The following CNTLN variants were observed in gnomAD, a reference collection of about 807,000 sequenced individuals.
The protein encoded by CNTLN is centlein, centrosomal protein.
A neutral mutation model predicts 180.0 loss-of-function variants in CNTLN; 212 were observed. The observed-to-expected ratio is 1.18, with a 90% CI of 1.05 to 1.32. The LOEUF (loss-of-function observed/expected upper bound fraction) is 1.32. Among genes scored for constraint, CNTLN ranks in the 40% most tolerant of loss-of-function variants. CNTLN has a pLI of 0.00. For missense variants in CNTLN, 2,095 were observed against 1,610.9 expected (o/e 1.30, Z -5.14); for synonymous variants, 722 against 563.1 (o/e 1.28, Z -3.99).
chr9:17,498,662 A>C (rs1833584040), intron 25 of CNTLN, among the ~76,000 whole-genome samples: 1 of 152,170 alleles, frequency 6.6e-6, no homozygotes, highest in Non-Finnish European at 1.5e-5. Flanking sequence ...GAGTTCAAGC[A>C]TGTCTAACTC....
At chr9:17,386,169 T>TA (rs904729855) in intron 13 of CNTLN, among the ~76,000 whole-genome samples, 26 of 151,052 alleles carry the variant, frequency 1.7e-4, no homozygotes, top group African/African-American at 4.9e-4. Flanking sequence ...TTAAATTAAT[T>TA]AAAAAAAAGA....
intron 7 of CNTLN, among the ~76,000 whole-genome samples, chr9:17,306,081 A>G (rs1818683604): frequency 1.3e-5 from 2 of 152,068 alleles, no homozygotes; most frequent in South Asian, 4.2e-4. Flanking sequence ...TAGGAATGCA[A>G]CTGCTTAAAC....
intron 5 of CNTLN, among the ~76,000 whole-genome samples, chr9:17,248,804 T>C (rs1587329901): frequency 1.3e-5 from 2 of 151,652 alleles, no homozygotes; most frequent in South Asian, 2.1e-4. Flanking sequence ...ATTGAGTCAG[T>C]AACAAAAAGT....
chr9:17,182,129 C>G (rs531338008), intron 2 of CNTLN, among the ~76,000 whole-genome samples: 1 of 151,952 alleles, frequency 6.6e-6, no homozygotes, highest in Non-Finnish European at 1.5e-5. Context: ...AGGCTCCTCT[C>G]GTGGCCTTTG....
At chr9:17,359,744 A>AAAAAAACAAAAAAAG (rs1564027389) in intron 12 of CNTLN, among the ~76,000 whole-genome samples, 3 of 50,198 alleles carry the variant, frequency 6.0e-5, no homozygotes, top group African/African-American at 1.6e-4. Context: ...AAAAAAAAAA[A>AAAAAAACAAAAAAAG]AAAAAACTAG....
At chr9:17,464,035 A>C (rs1207389238) in intron 20 of CNTLN, among the ~76,000 whole-genome samples, 7 of 151,458 alleles carry the variant, frequency 4.6e-5, no homozygotes, top group African/African-American at 7.3e-5. Flanking sequence ...TGTGGATTGA[A>C]TCTCAAATTA....
chr9:17,491,993 A>T (rs1411640144), intron 25 of CNTLN, among the ~76,000 whole-genome samples: 1 of 151,430 alleles, frequency 6.6e-6, no homozygotes, highest in Non-Finnish European at 1.5e-5. Flanking sequence ...CACTTATAAC[A>T]AATGCATTCA....
chr9:17,480,233 A>T (rs1832571567), intron 23 of CNTLN, among the ~76,000 whole-genome samples: 1 of 152,092 alleles, frequency 6.6e-6, no homozygotes, highest in Admixed American at 6.6e-5. Context: ...ATCAACAAAC[A>T]TTACAAGTCA....
At chr9:17,300,207 A>G (rs1468822725) in intron 7 of CNTLN, 2 of 152,144 alleles carry the variant, frequency 1.3e-5, no homozygotes, top group African/African-American at 4.8e-5. Context: ...TGAAATCTGA[A>G]ATGCTCCAAT....
intron 18 of CNTLN, among the ~76,000 whole-genome samples, chr9:17,418,361 C>G (rs192646754): frequency 6.6e-6 from 1 of 151,890 alleles, no homozygotes; most frequent in African/African-American, 2.4e-5. Flanking sequence ...TAAAGTAACT[C>G]CCCAAATATT....
intron 3 of CNTLN, among the ~76,000 whole-genome samples, chr9:17,232,364 T>C (rs1006329803): frequency 1.3e-5 from 2 of 152,010 alleles, no homozygotes; most frequent in East Asian, 3.9e-4. Context: ...AATTTACAGA[T>C]TGAGTCTGTG....
chr9:17,484,516 A>G (rs765488229), intron 24 of CNTLN, 36 bp downstream of exon 24: 3 of 1,486,234 alleles, frequency 2.0e-6, no homozygotes, highest in Admixed American at 4.4e-5. Context: ...TAAAGGGTTT[A>G]TTATACACTG....
chr9:17,361,623 C>T lies in CNTLN; in HGVS notation c.1887-4994C>T, dbSNP rs569671299. On this transcript the variant is annotated intron_variant, in intron 12 of 25. Coordinates refer to ENST00000380647, the MANE Select transcript of CNTLN (RefSeq NM_017738.4). ...CACTGTAGATTCCTCCTCACTTGGT[C>T]ATATGCCTCACAAATTCTGGCTGTT... Among the ~76,000 whole-genome samples the T allele has an allele frequency of 1.9e-4, 29 of 152,330 alleles. 1 individual carries two copies. The South Asian group carries it at 5.6e-3, about 29-fold the overall frequency.
At chr9:17,506,637 T>A (rs1018884715), downstream of CNTLN, among the ~76,000 whole-genome samples, 3 of 152,128 alleles carry the variant, frequency 2.0e-5, no homozygotes, top group Admixed American at 6.6e-5. Context: ...GTAGCAAAAA[T>A]GACCTTTGGA....
chr9:17,401,215 G>C (rs1043870014), intron 15 of CNTLN, among the ~76,000 whole-genome samples: 1 of 152,158 alleles, frequency 6.6e-6, no homozygotes, highest in Non-Finnish European at 1.5e-5. Context: ...AAGTAGTAGA[G>C]TTCCTTTCAT....
intron 25 of CNTLN, among the ~76,000 whole-genome samples, chr9:17,489,070 T>C (rs542258894): frequency 2.0e-5 from 3 of 152,276 alleles, no homozygotes; most frequent in East Asian, 1.9e-4. Flanking sequence ...AGGTACTTCA[T>C]TGGTTGCACT....
chr9:17,523,612 G>T, the CNTLN span, among the ~76,000 whole-genome samples: 1 of 152,238 alleles, frequency 6.6e-6, no homozygotes, highest in Middle Eastern at 3.4e-3. Context: ...TTTCACAGTG[G>T]AAAAATGAAC....
intron 8 of CNTLN, among the ~76,000 whole-genome samples, chr9:17,329,364 T>C (rs564699382): frequency 6.6e-6 from 1 of 152,122 alleles, no homozygotes; most frequent in East Asian, 1.9e-4. Context: ...GTACAACGAT[T>C]AAAATGGGGA....
At position 17,464,570 on chromosome 9, in the gene CNTLN, A is replaced by G. The variant is rs777142726; in HGVS notation, c.3478A>G (p.Asn1160Asp). ...IEDLKFRQKVNLESNKSFSEM... is the reference protein window; with the variant it reads ...IEDLKFRQKVDLESNKSFSEM... ...GGACTTGAAATTTCGACAGAAAGTA[A>G]ATTTGGAAAGTAACAAGAGTTTTAG... Residue 1160 changes from asparagine to aspartate, a missense_variant, in exon 21 of 26, where the codon AAT (asparagine) becomes GAT (aspartate). Physicochemically the swap from Asn to Asp is conservative, Grantham distance 23. Transcript: ENST00000380647. 1.1e-5 allele frequency: 17 copies of G among 1,520,306 alleles called. No homozygotes were observed. Among genetic ancestry groups the G allele is most frequent in the Non-Finnish European group, 1.5e-5 (17 of 1,136,822 alleles). The allele number at this position is 1,520,306 out of a possible 1,614,324, so 94.2% of individuals were successfully genotyped here.
Sources: allele counts gnomAD v4.1 joint callset (sites outside exome capture counted in the v4.1 genomes callset), GRCh38; gene constraint gnomAD v4.1.1; transcripts MANE v1.5; gene names NCBI Gene and HGNC (gene_info 2026-07-23, HGNC 2026-07-21).